Variants in TANC2 observed in about 807,000 individuals in gnomAD.
The protein encoded by TANC2 is protein TANC2.
In TANC2, 26 loss-of-function variants were observed where a neutral mutation model predicts 210.5. The observed-to-expected ratio is 0.12, with a 90% CI of 0.09 to 0.17. The LOEUF (loss-of-function observed/expected upper bound fraction) is 0.17, where lower values mean the gene tolerates loss of function less well. TANC2 is among the 10% of genes least tolerant of loss of function. TANC2 has a pLI of 1.00. For missense variants in TANC2, 2,129 were observed against 2,608.9 expected (o/e 0.82, Z 4.01); for synonymous variants, 931 against 967.1 (o/e 0.96, Z 0.69).
intron 2 of TANC2, among the ~76,000 whole-genome samples, chr17:63,023,426 G>A (rs1024130733): frequency 6.6e-6 from 1 of 152,084 alleles, no homozygotes; most frequent in Admixed American, 6.5e-5. Context: ...GACTAGACTC[G>A]AACTCCTGGG....
chr17:63,315,941 T>TAG (rs2045300354), intron 10 of TANC2, among the ~76,000 whole-genome samples: 1 of 152,210 alleles, frequency 6.6e-6, no homozygotes. Context: ...ATATAATGCT[T>TAG]AGTTTCTAAA....
chr17:63,204,509 A>G (rs1302394783), intron 7 of TANC2, among the ~76,000 whole-genome samples: 1 of 152,080 alleles, frequency 6.6e-6, no homozygotes, highest in Admixed American at 6.6e-5. Flanking sequence ...GTGAACTTGT[A>G]GTCCCAGCTC....
chr17:63,205,764 A>G (rs1469399043), intron 7 of TANC2, among the ~76,000 whole-genome samples: 1 of 152,052 alleles, frequency 6.6e-6, no homozygotes, highest in East Asian at 1.9e-4. Context: ...CTAAAGATAT[A>G]AAAATTAGGC....
At chr17:63,075,778 C>T (rs1174430143) in intron 3 of TANC2, among the ~76,000 whole-genome samples, 1 of 152,014 alleles carries the variant, frequency 6.6e-6, no homozygotes. Context: ...CTCACCCTCC[C>T]AAAGTGCTAG....
At chr17:63,283,874 CT>C (rs1248829487) in intron 9 of TANC2, among the ~76,000 whole-genome samples, 1 of 151,850 alleles carries the variant, frequency 6.6e-6, no homozygotes, top group Non-Finnish European at 1.5e-5. Flanking sequence ...GTTCTAATGA[CT>C]TTTTTTAATA....
At chr17:63,326,620 C>T (rs1490694545) in intron 11 of TANC2, among the ~76,000 whole-genome samples, 2 of 151,994 alleles carry the variant, frequency 1.3e-5, no homozygotes, top group Non-Finnish European at 2.9e-5. Flanking sequence ...GTCCCAGCTA[C>T]TCAGGGTGCT....
At chr17:63,194,013 C>T (rs1259326931) in exon 6 of TANC2, 2 of 1,612,476 alleles carry the variant, frequency 1.2e-6, no homozygotes, top group Admixed American at 1.7e-5. Flanking sequence ...AGGAGCTTGG[C>T]CCCCCTCCAT....
At chr17:63,163,972 T>A (rs1196910519) in intron 5 of TANC2, among the ~76,000 whole-genome samples, 1 of 152,216 alleles carries the variant, frequency 6.6e-6, no homozygotes, top group Non-Finnish European at 1.5e-5. Context: ...AATAATGTTA[T>A]ACTTTGAAAA....
At chr17:63,267,218 A>G (rs1011258079) in intron 8 of TANC2, among the ~76,000 whole-genome samples, 13 of 152,098 alleles carry the variant, frequency 8.5e-5, no homozygotes, top group African/African-American at 3.1e-4. Context: ...TGTAAAATGA[A>G]TTTTTTCTTT....
intron 7 of TANC2, among the ~76,000 whole-genome samples, chr17:63,206,051 C>A (rs534737132): frequency 6.6e-6 from 1 of 152,138 alleles, no homozygotes; most frequent in Non-Finnish European, 1.5e-5. Flanking sequence ...CTTACATAGA[C>A]GTTTCTCCAG....
chr17:63,308,791 T>C (rs983214116), intron 9 of TANC2, among the ~76,000 whole-genome samples: 2 of 152,208 alleles, frequency 1.3e-5, no homozygotes, highest in African/African-American at 2.4e-5. Flanking sequence ...GTGATTGTGA[T>C]AAAATATTTG....
intron 12 of TANC2, among the ~76,000 whole-genome samples, chr17:63,342,225 T>G (rs1486249101): frequency 6.6e-6 from 1 of 151,778 alleles, no homozygotes; most frequent in African/African-American, 2.4e-5. Context: ...AATTTAAAAT[T>G]ATTATTATTA....
intron 2 of TANC2, among the ~76,000 whole-genome samples, chr17:63,015,752 A>C (rs376801278): frequency 7.0e-6 from 1 of 143,162 alleles, no homozygotes; most frequent in Non-Finnish European, 1.5e-5. Context: ...TTAAAAAAAA[A>C]CCGCTGTGTG....
chr17:63,281,956 C>T lies in TANC2; in HGVS notation c.1159+14083C>T, dbSNP rs116931114. ...CTTGAGCCTCAGAGGGAGCATGGCC[C>T]TAGGGACACCTTGATTTTGGACTTC... On this transcript the variant is annotated intron_variant, in intron 9 of 27. Transcript: ENST00000689528. 2.3e-3 allele frequency among the ~76,000 whole-genome samples: 350 copies of T among 152,054 alleles called. 1 individual carries two copies. Among genetic ancestry groups the T allele is most frequent in the Non-Finnish European group, 4.3e-3 (290 of 67,946 alleles).
chr17:63,210,739 G>A (rs763190595), intron 7 of TANC2, among the ~76,000 whole-genome samples: 4 of 152,168 alleles, frequency 2.6e-5, no homozygotes, highest in Non-Finnish European at 5.9e-5. Flanking sequence ...TGAATATTTA[G>A]TCAGATTTGC....
At chr17:63,163,468 C>G (rs1264204978) in intron 5 of TANC2, among the ~76,000 whole-genome samples, 1 of 152,016 alleles carries the variant, frequency 6.6e-6, no homozygotes, top group Non-Finnish European at 1.5e-5. Flanking sequence ...GACCTGAAGT[C>G]TAGGGAAACT....
chr17:63,193,254 A>G (rs1288402086), intron 5 of TANC2, among the ~76,000 whole-genome samples: 2 of 152,180 alleles, frequency 1.3e-5, no homozygotes, highest in Admixed American at 6.5e-5. Context: ...TAGGAGAGGA[A>G]AAATAGAGCC....
intron 2 of TANC2, among the ~76,000 whole-genome samples, chr17:63,068,230 A>G (rs1212830336): frequency 2.0e-5 from 3 of 152,190 alleles, no homozygotes. Context: ...CAGCTTCATT[A>G]TTAATGAGGG....
intron 4 of TANC2, among the ~76,000 whole-genome samples, chr17:63,112,621 C>CT (rs539980379): frequency 1.4e-4 from 22 of 152,244 alleles, no homozygotes; most frequent in Non-Finnish European, 2.9e-4. Context: ...CAGATTAGTT[C>CT]TTTTTGATCT....
Sources: allele counts gnomAD v4.1 joint callset (sites outside exome capture counted in the v4.1 genomes callset), GRCh38; gene constraint gnomAD v4.1.1; transcripts MANE v1.5; gene names NCBI Gene and HGNC (gene_info 2026-07-23, HGNC 2026-07-21).